Variants in PLD5 observed in about 807,000 individuals in gnomAD.
The protein encoded by PLD5 is phospholipase D family member 5.
Under a neutral mutation model 61.1 loss-of-function variants are expected in PLD5, and 36 were observed. The ratio of observed to expected loss-of-function variants is 0.59; its 90% CI spans 0.45 to 0.78. The LOEUF (loss-of-function observed/expected upper bound fraction) is 0.78. Ranked by LOEUF, PLD5 falls within the 30% of genes least tolerant of loss-of-function variation. PLD5 has a pLI of 0.00. For missense variants in PLD5, 515 were observed against 644.4 expected, an observed-to-expected ratio of 0.80 and a Z score of 2.17; for synonymous variants, 243 against 242.8, an observed-to-expected ratio of 1.00 and a Z score of -0.01.
intron 2 of PLD5, among the ~76,000 whole-genome samples, chr1:242,324,194 C>A (rs376290855): frequency 1.3e-5 from 2 of 151,896 alleles, no homozygotes; most frequent in Non-Finnish European, 1.5e-5. Flanking sequence ...AAATGACAGC[C>A]GGTTAAAATG....
At chr1:242,251,342 G>T (rs1224158055) in intron 4 of PLD5, among the ~76,000 whole-genome samples, 2 of 152,164 alleles carry the variant, frequency 1.3e-5, no homozygotes, top group African/African-American at 4.8e-5. Flanking sequence ...TTCAAAATTG[G>T]CAAAAGAGAC....
chr1:242,220,806 A>G (rs35056239), intron 4 of PLD5, among the ~76,000 whole-genome samples: 45,973 of 151,248 alleles, frequency 0.3, 7,276 homozygotes, highest in East Asian at 0.53. Context: ...GTGTAATCTC[A>G]GCTCACAGCA....
chr1:242,343,315 C>T (rs575124542), intron 2 of PLD5, among the ~76,000 whole-genome samples: 106 of 152,054 alleles, frequency 7.0e-4, no homozygotes, highest in Admixed American at 1.2e-3. Flanking sequence ...TGACAACACA[C>T]GGAGAAAAGC....
At chr1:242,253,947 G>A (rs919041542) in intron 4 of PLD5, among the ~76,000 whole-genome samples, 5 of 152,204 alleles carry the variant, frequency 3.3e-5, no homozygotes, top group African/African-American at 1.2e-4. Context: ...TTAGAACAGA[G>A]ACGGAAAACA....
intron 4 of PLD5, among the ~76,000 whole-genome samples, chr1:242,233,569 C>T (rs531623772): frequency 2.8e-5 from 4 of 141,288 alleles, no homozygotes; most frequent in Non-Finnish European, 3.1e-5. Flanking sequence ...GTAGTGAGGG[C>T]GGCAGGGAGG....
At chr1:242,462,487 G>A (rs146620775) in intron 1 of PLD5, among the ~76,000 whole-genome samples, 211 of 152,060 alleles carry the variant, frequency 1.4e-3, no homozygotes, top group Non-Finnish European at 2.2e-3. Flanking sequence ...AGGGAGGAAC[G>A]GGCGTGGGTT....
chr1:242,380,672 G>A (rs1662225004), intron 1 of PLD5, among the ~76,000 whole-genome samples: 1 of 150,908 alleles, frequency 6.6e-6, no homozygotes, highest in Non-Finnish European at 1.5e-5. Flanking sequence ...CTAATATCCA[G>A]AGTCTATAAG....
At chr1:242,122,638 C>A (rs115244630) in intron 6 of PLD5, among the ~76,000 whole-genome samples, 1 of 152,012 alleles carries the variant, frequency 6.6e-6, no homozygotes, top group Non-Finnish European at 1.5e-5. Context: ...TATATTTATT[C>A]GTAAAATGCC....
chr1:242,271,546 A>T (rs1674085282), intron 3 of PLD5, among the ~76,000 whole-genome samples: 1 of 152,164 alleles, frequency 6.6e-6, no homozygotes, highest in Non-Finnish European at 1.5e-5. Context: ...CAGAGATCTA[A>T]CCAGCTGCAA....
intron 1 of PLD5, among the ~76,000 whole-genome samples, chr1:242,428,133 A>G (rs1392561642): frequency 6.6e-6 from 1 of 152,218 alleles, no homozygotes; most frequent in African/African-American, 2.4e-5. Context: ...ATTCTAACAG[A>G]CTGTTAGGGA....
At chr1:242,098,048 T>C (rs1343540545) in intron 9 of PLD5, among the ~76,000 whole-genome samples, 5 of 152,170 alleles carry the variant, frequency 3.3e-5, no homozygotes, top group Non-Finnish European at 7.4e-5. Flanking sequence ...TCAAAGATCC[T>C]CTTCTCAAGG....
At chr1:242,288,889 A>C (rs1470168467) in intron 2 of PLD5, among the ~76,000 whole-genome samples, 1 of 152,132 alleles carries the variant, frequency 6.6e-6, no homozygotes, top group African/African-American at 2.4e-5. Context: ...GAAGCAATTC[A>C]ATTCCTATAT....
At chr1:242,342,852 AT>A (rs1659915955) in intron 2 of PLD5, among the ~76,000 whole-genome samples, 1 of 152,190 alleles carries the variant, frequency 6.6e-6, no homozygotes. Flanking sequence ...AGCCTTTGAT[AT>A]TTTGTAGATT....
chr1:242,389,397 A>G (rs1361491321), intron 1 of PLD5, among the ~76,000 whole-genome samples: 3 of 152,154 alleles, frequency 2.0e-5, no homozygotes, highest in Non-Finnish European at 1.5e-5. Context: ...AACAGTTTGC[A>G]TAAGTTGGGC....
intron 1 of PLD5, among the ~76,000 whole-genome samples, chr1:242,368,483 G>A (rs1374042535): frequency 6.6e-6 from 1 of 152,174 alleles, no homozygotes; most frequent in African/African-American, 2.4e-5. Flanking sequence ...CCAGAAAAAT[G>A]AGTTGCCAAT....
chr1:242,425,374 A>T (rs1476506200), intron 1 of PLD5, among the ~76,000 whole-genome samples: 1 of 152,200 alleles, frequency 6.6e-6, no homozygotes, highest in Non-Finnish European at 1.5e-5. Context: ...GGATTTGTGT[A>T]TCTAAACAAA....
intron 1 of PLD5, among the ~76,000 whole-genome samples, chr1:242,507,998 T>A (rs930859357): frequency 3.3e-5 from 5 of 152,040 alleles, no homozygotes; most frequent in African/African-American, 1.2e-4. Flanking sequence ...TAATCTGTTT[T>A]TTTTTTTTCC....
rs1659395434 is a variant in PLD5, at chr1:242,085,215, G to C, written c.*4639C>G. On this transcript the variant is annotated 3_prime_UTR_variant, in exon 10 of 10. Transcript: ENST00000536534. ...AGTTGAACATAGCAAAAGAAAATGTGTAATAGTCTATTAAATGTAACTTTT... is the reference window on the plus strand; with the variant it reads ...AGTTGAACATAGCAAAAGAAAATGTCTAATAGTCTATTAAATGTAACTTTT... 1.3e-5 allele frequency: 2 copies of C among 152,014 alleles called. No homozygotes were observed. The highest frequency in any genetic ancestry group is 4.8e-5 in the African/African-American group (2 of 41,412). 9.4% of individuals were successfully genotyped at this position (152,014 alleles called of 1,614,324 possible).
chr1:242,281,297 C>T (rs186393483), intron 3 of PLD5, among the ~76,000 whole-genome samples: 74 of 152,224 alleles, frequency 4.9e-4, no homozygotes, highest in African/African-American at 1.7e-3. Flanking sequence ...AAGAATATTG[C>T]AGAAAAGGAA....
Sources: allele counts gnomAD v4.1 joint callset (sites outside exome capture counted in the v4.1 genomes callset), GRCh38; gene constraint gnomAD v4.1.1; transcripts MANE v1.5; gene names NCBI Gene and HGNC (gene_info 2026-07-23, HGNC 2026-07-21).